The following NELL1 variants were observed in gnomAD, a reference collection of about 807,000 sequenced individuals.
The protein encoded by NELL1 is neural EGFL like 1, also known as protein kinase C-binding protein NELL1.
NELL1 carries 76 observed loss-of-function variants against 107.4 expected under a neutral mutation model. That is an observed-to-expected ratio of 0.71 (90% CI 0.59 to 0.86). NELL1 has a LOEUF of 0.86. Ranked by LOEUF, NELL1 falls within the 40% of genes least tolerant of loss-of-function variation. The pLI is 0.00. For missense variants in NELL1, 1,024 were observed against 1,005.5 expected, an observed-to-expected ratio of 1.02 and a Z score of -0.25; for synonymous variants, 353 against 341.2, an observed-to-expected ratio of 1.03 and a Z score of -0.38.
chr11:21,420,541 A>T (rs780506120), intron 15 of NELL1, among the ~76,000 whole-genome samples: 1 of 152,186 alleles, frequency 6.6e-6, no homozygotes, highest in Non-Finnish European at 1.5e-5. Context: ...AAACTTGGAA[A>T]GACCTGGGAA....
At chr11:20,805,988 G>A (rs775002209) in intron 3 of NELL1, among the ~76,000 whole-genome samples, 1 of 152,064 alleles carries the variant, frequency 6.6e-6, no homozygotes, top group Non-Finnish European at 1.5e-5. Flanking sequence ...CTTGGTTCAT[G>A]TTTTTGTTTT....
At chr11:21,349,756 G>C (rs2133717961) in intron 14 of NELL1, among the ~76,000 whole-genome samples, 1 of 152,024 alleles carries the variant, frequency 6.6e-6, no homozygotes, top group East Asian at 1.9e-4. Context: ...GTACATTGCT[G>C]CATTATAGTT....
intron 14 of NELL1, among the ~76,000 whole-genome samples, chr11:21,230,393 C>T (rs773413051): frequency 6.6e-6 from 1 of 152,202 alleles, no homozygotes; most frequent in African/African-American, 2.4e-5. Context: ...CTTCTCCCCC[C>T]ATTGTCCCTG....
In NELL1 at chr11:21,179,862, CTTTTTTTTTTTT is replaced by C. The variant is rs1164420669; in HGVS notation, c.1427-49456_1427-49445del. On this transcript the variant is annotated intron_variant, in intron 13 of 19. Coordinates refer to ENST00000357134, the MANE Select transcript of NELL1 (RefSeq NM_006157.5). ...AAGGTTTAGGACAGAAATCAACACACTTTTTTTTTTTTTTTTTTTTTTTTTGTAAAGGTCTAG... is the reference window on the plus strand; with the variant it reads ...AAGGTTTAGGACAGAAATCAACACACTTTTTTTTTTTTTGTAAAGGTCTAG... 3.6e-3 allele frequency among the ~76,000 whole-genome samples: 275 copies of C among 75,704 alleles called. 8 individuals carry two copies. Among genetic ancestry groups the C allele is most frequent in the African/African-American group, 0.015 (256 of 17,496 alleles). 49.7% of individuals were successfully genotyped at this position (75,704 alleles called of 152,430 possible).
chr11:21,185,141 G>T (rs1856906696), intron 13 of NELL1, among the ~76,000 whole-genome samples: 1 of 151,374 alleles, frequency 6.6e-6, no homozygotes, highest in Non-Finnish European at 1.5e-5. Flanking sequence ...CATCCTTAGG[G>T]CTGACAGGAT....
At chr11:21,407,970 A>C (rs896960039) in intron 15 of NELL1, among the ~76,000 whole-genome samples, 1 of 151,808 alleles carries the variant, frequency 6.6e-6, no homozygotes, top group African/African-American at 2.4e-5. Flanking sequence ...TGGAACCCCT[A>C]TAATATGCTT....
intron 15 of NELL1, among the ~76,000 whole-genome samples, chr11:21,498,166 T>G (rs939988902): frequency 6.6e-6 from 1 of 151,894 alleles, no homozygotes. Flanking sequence ...TACTAATAAT[T>G]GGAATATTGT....
intron 14 of NELL1, among the ~76,000 whole-genome samples, chr11:21,322,601 T>C (rs571406482): frequency 6.6e-6 from 1 of 152,162 alleles, no homozygotes; most frequent in Non-Finnish European, 1.5e-5. Flanking sequence ...TGGTATTCCA[T>C]TCTAGTCTGG....
chr11:20,936,527 T>G (rs1850728935), intron 9 of NELL1, among the ~76,000 whole-genome samples: 1 of 152,210 alleles, frequency 6.6e-6, no homozygotes, highest in Non-Finnish European at 1.5e-5. Flanking sequence ...TCTCACCTGG[T>G]CATCCTCTTT....
At chr11:21,427,582 G>A (rs1852856188) in intron 15 of NELL1, among the ~76,000 whole-genome samples, 1 of 152,136 alleles carries the variant, frequency 6.6e-6, no homozygotes, top group South Asian at 2.1e-4. Context: ...GCTAAAAAAT[G>A]TTAAGGCTGG....
At chr11:20,780,528 C>T (rs1856831591) in intron 2 of NELL1, among the ~76,000 whole-genome samples, 1 of 152,070 alleles carries the variant, frequency 6.6e-6, no homozygotes, top group Non-Finnish European at 1.5e-5. Context: ...AATAAGTATG[C>T]CTGCCCTCAT....
chr11:21,343,594 C>T (rs1365712742), intron 14 of NELL1, among the ~76,000 whole-genome samples: 1 of 152,182 alleles, frequency 6.6e-6, no homozygotes, highest in African/African-American at 2.4e-5. Context: ...GGGCAAACTT[C>T]TTCTGTAAAG....
At chr11:21,378,276 T>C (rs1375234475) in intron 15 of NELL1, among the ~76,000 whole-genome samples, 1 of 146,338 alleles carries the variant, frequency 6.8e-6, no homozygotes, top group African/African-American at 2.4e-5. Flanking sequence ...TATATATATA[T>C]ATATATATAT....
At chr11:20,705,668 A>T (rs1382800073) in intron 2 of NELL1, among the ~76,000 whole-genome samples, 1 of 143,918 alleles carries the variant, frequency 6.9e-6, no homozygotes, top group Admixed American at 6.8e-5. Context: ...GACAAATGGG[A>T]TCTAATTAAA....
intron 15 of NELL1, among the ~76,000 whole-genome samples, chr11:21,456,207 T>A (rs1267751776): frequency 6.6e-6 from 1 of 152,150 alleles, no homozygotes; most frequent in Non-Finnish European, 1.5e-5. Flanking sequence ...TTCTTTTGCT[T>A]GGGACTCAAA....
chr11:21,486,789 C>T (rs917219253), intron 15 of NELL1, among the ~76,000 whole-genome samples: 10 of 151,954 alleles, frequency 6.6e-5, no homozygotes, highest in African/African-American at 2.4e-4. Context: ...TAAAAAGAAG[C>T]AGAAATCTTG....
At chr11:21,483,871 A>G (rs1460825300) in intron 15 of NELL1, among the ~76,000 whole-genome samples, 26 of 17,274 alleles carry the variant, frequency 1.5e-3, no homozygotes, top group Middle Eastern at 0.11. Flanking sequence ...ATATACAAAC[A>G]CACACACACA....
chr11:20,861,350 G>T (rs989200835), intron 4 of NELL1, among the ~76,000 whole-genome samples: 2 of 152,170 alleles, frequency 1.3e-5, no homozygotes, highest in African/African-American at 4.8e-5. Flanking sequence ...TTGATCTGCA[G>T]CGGGAACATA....
chr11:21,475,164 T>TAACA (rs1344295146), intron 15 of NELL1, among the ~76,000 whole-genome samples: 1 of 152,226 alleles, frequency 6.6e-6, no homozygotes, highest in African/African-American at 2.4e-5. Flanking sequence ...TGCCTTATGT[T>TAACA]AACATTGGTT....
Sources: allele counts gnomAD v4.1 joint callset (sites outside exome capture counted in the v4.1 genomes callset), GRCh38; gene constraint gnomAD v4.1.1; transcripts MANE v1.5; gene names NCBI Gene and HGNC (gene_info 2026-07-23, HGNC 2026-07-21).